COL5A1: variants seen among roughly 807,000 people sequenced by gnomAD.
COL5A1 encodes the protein collagen type V alpha 1 chain.
COL5A1 carries 16 observed loss-of-function variants against 263.7 expected under a neutral mutation model. The observed-to-expected ratio is 0.06, with a 90% confidence interval of 0.04 to 0.09. The LOEUF (loss-of-function observed/expected upper bound fraction) is 0.09. Among genes scored for constraint, COL5A1 ranks in the 10% least tolerant of loss-of-function variants. The probability of loss-of-function intolerance (pLI) is 1.00; values close to 1 mark genes in which losing one functional copy is unlikely to be tolerated. For missense variants in COL5A1, 2,036 were observed against 2,540.5 expected, an observed-to-expected ratio of 0.80 and a Z score of 4.27; for synonymous variants, 1,012 against 1,004.5, an observed-to-expected ratio of 1.01 and a Z score of -0.14.
At chr9:134,728,537 C>A in intron 5 of COL5A1, 133 bp from the exon 6 acceptor site, 1 of 1,270,092 alleles carries the variant, frequency 7.9e-7, no homozygotes, top group Non-Finnish European at 1.1e-6. Flanking sequence ...TCCGGGGACC[C>A]ACAGGGAGGT....
At chr9:134,803,370 C>T (rs1203798259) in intron 39 of COL5A1, among the ~76,000 whole-genome samples, 1 of 152,110 alleles carries the variant, frequency 6.6e-6, no homozygotes, top group East Asian at 1.9e-4. Context: ...TGCAGTGGCT[C>T]ACGCCTGTAA....
intron 30 of COL5A1, among the ~76,000 whole-genome samples, chr9:134,785,759 G>A (rs1419827152): frequency 6.6e-6 from 1 of 152,194 alleles, no homozygotes; most frequent in Non-Finnish European, 1.5e-5. Flanking sequence ...TCCTCCAGGG[G>A]CCTTCGCTTC....
chr9:134,744,736 C>T (rs1469241301), intron 11 of COL5A1, among the ~76,000 whole-genome samples: 1 of 152,158 alleles, frequency 6.6e-6, no homozygotes, highest in Non-Finnish European at 1.5e-5. Flanking sequence ...CACATGCACT[C>T]ACACACCTGC....
chr9:134,829,926 A>ACC (rs1200279152), intron 63 of COL5A1, 50 bp from the exon 64 acceptor site: 2 of 1,578,142 alleles, frequency 1.3e-6, no homozygotes, highest in Non-Finnish European at 1.7e-6. Context: ...CGGAGAAGTA[A>ACC]CCCTTTTGTT....
intron 64 of COL5A1, among the ~76,000 whole-genome samples, chr9:134,834,213 G>T (rs1839762892): frequency 6.6e-6 from 1 of 152,200 alleles, no homozygotes; most frequent in Non-Finnish European, 1.5e-5. Flanking sequence ...GGGGAAACCA[G>T]GGCTCGCCTG....
At chr9:134,708,977 G>T (rs1220447554) in intron 4 of COL5A1, 2 of 456,438 alleles carry the variant, frequency 4.4e-6, no homozygotes, top group Non-Finnish European at 8.8e-6. Context: ...TCTTCCCCCT[G>T]TGTCTCTCTG....
intron 13 of COL5A1, among the ~76,000 whole-genome samples, chr9:134,752,141 A>G (rs1468201715): frequency 1.3e-5 from 2 of 152,194 alleles, no homozygotes; most frequent in Non-Finnish European, 2.9e-5. Flanking sequence ...ATACTTCCCC[A>G]GTGGCTGGGA....
chr9:134,683,475 C>T (rs1277440570), intron 1 of COL5A1, among the ~76,000 whole-genome samples: 4 of 152,150 alleles, frequency 2.6e-5, no homozygotes, highest in African/African-American at 7.2e-5. Context: ...CTCTACTTGG[C>T]GTTAGCATAA....
chr9:134,659,416 A>T (rs1832132572), intron 1 of COL5A1, among the ~76,000 whole-genome samples: 1 of 152,152 alleles, frequency 6.6e-6, no homozygotes, highest in African/African-American at 2.4e-5. Flanking sequence ...ATCATAAAAA[A>T]GCCTTTGAGT....
intron 65 of COL5A1, among the ~76,000 whole-genome samples, chr9:134,838,120 A>G (rs1380293269): frequency 2.0e-5 from 3 of 152,176 alleles, no homozygotes; most frequent in African/African-American, 4.8e-5. Flanking sequence ...TCAGCCATGC[A>G]GAGGGAACCG....
Position 134,642,286 on chromosome 9 carries a change from G to T in COL5A1, c.99G>T (p.Pro33=). ...TGCTGCTGCTGTGGGCGCCGCCTCC[G>T]AGCCGCGCAGGTAAGGGCGCCCCGG... ...LLLLLLWAPP[P]SRAAQPADLL... Residue 33 remains proline, a synonymous_variant, in exon 1 of 66, where the codon CCG becomes CCT. Transcript: ENST00000371817. The surrounding 1 kb of genome is among the most constrained non-coding windows in gnomAD (Gnocchi z 4.5). 8.8e-7 allele frequency: 1 copy of T among 1,130,142 alleles called. No homozygotes were observed. Among genetic ancestry groups the T allele is most frequent in the Non-Finnish European group, 1.1e-6 (1 of 905,892 alleles). 70.0% of individuals were successfully genotyped at this position (1,130,142 alleles called of 1,614,324 possible).
rs1832899904 is a variant in COL5A1 at position 134,682,769 on chromosome 9, G to A, written c.110-8143G>A. On this transcript the variant is annotated intron_variant, in intron 1 of 65. Coordinates refer to ENST00000371817, the MANE Select transcript of COL5A1 (RefSeq NM_000093.5). This position sits in a 1 kb window ranked among gnomAD's most constrained non-coding sequence, Gnocchi z 5.1. Reference sequence around the variant, plus strand: ...TCTGCTGGTGTGTTGTGGTTCTGGGGCCAGGGGAGCATCCCTGTGCATTTG... The same window carrying A: ...TCTGCTGGTGTGTTGTGGTTCTGGGACCAGGGGAGCATCCCTGTGCATTTG... Among the ~76,000 whole-genome samples, 1 of 152,208 alleles carries A rather than the reference G, an allele frequency of 6.6e-6. No individual in the cohort carries two copies. The highest frequency in any genetic ancestry group is 2.4e-5 in the African/African-American group (1 of 41,456).
rs1340999695 is a variant in COL5A1 at position 134,789,376 on chromosome 9, C to T, written c.2700+168C>T. Reference sequence around the variant, plus strand: ...GAACTTCAGCACCACGTGTTGGTGACACTCTCCAGACGCTGGGCTGGGCAG... The same window carrying T: ...GAACTTCAGCACCACGTGTTGGTGATACTCTCCAGACGCTGGGCTGGGCAG... On this transcript the variant is annotated intron_variant, in intron 32 of 65. Transcript: ENST00000371817. This position sits in a 1 kb window ranked among gnomAD's most constrained non-coding sequence, Gnocchi z 4.8. Among the ~76,000 whole-genome samples, 1 of 152,106 alleles carries T rather than the reference C, an allele frequency of 6.6e-6. No individual in the cohort carries two copies. The highest frequency in any genetic ancestry group is 1.5e-5 in the Non-Finnish European group (1 of 68,014).
At chr9:134,646,070 A>C (rs1831465738) in intron 1 of COL5A1, among the ~76,000 whole-genome samples, 1 of 151,884 alleles carries the variant, frequency 6.6e-6, no homozygotes, top group Non-Finnish European at 1.5e-5. Context: ...GGGATGCAGC[A>C]GCCACAGTCT....
intron 28 of COL5A1, among the ~76,000 whole-genome samples, chr9:134,781,270 G>A (rs1837243939): frequency 6.6e-6 from 1 of 152,254 alleles, no homozygotes; most frequent in Non-Finnish European, 1.5e-5. Context: ...GGGAGGACCG[G>A]CCAGGAGGCC....
At chr9:134,711,069 G>A (rs1229928878) in intron 4 of COL5A1, among the ~76,000 whole-genome samples, 1 of 152,094 alleles carries the variant, frequency 6.6e-6, no homozygotes, top group African/African-American at 2.4e-5. Flanking sequence ...GCAGCCACAT[G>A]GGAAGCCGGG....
chr9:134,770,165 G>T (rs569696632), intron 25 of COL5A1, among the ~76,000 whole-genome samples: 1 of 152,386 alleles, frequency 6.6e-6, no homozygotes, highest in Non-Finnish European at 1.5e-5. Flanking sequence ...CTGGAGGAAA[G>T]AAAAGATGTT....
At chr9:134,831,010 C>T (rs9410000) in intron 64 of COL5A1, among the ~76,000 whole-genome samples, 47,682 of 152,158 alleles carry the variant, frequency 0.31, 9,201 homozygotes, top group Non-Finnish European at 0.41. Context: ...CCAGATTCTC[C>T]TTTCCCTCCC....
intron 42 of COL5A1, among the ~76,000 whole-genome samples, chr9:134,807,920 T>A (rs777144847): frequency 3.3e-5 from 5 of 152,070 alleles, no homozygotes; most frequent in Non-Finnish European, 5.9e-5. Flanking sequence ...CAAGAGTTGC[T>A]CTATCCAGGC....
Sources: gnomAD v4.1 joint callset for allele counts (sites outside exome capture counted in the v4.1 genomes callset) on GRCh38, gnomAD v4.1.1 for gene constraint, Gnocchi (gnomAD v3.1) non-coding constraint, MANE v1.5 for transcripts, NCBI Gene and HGNC (gene_info 2026-07-23, HGNC 2026-07-21) for gene names.